ASTL: variants seen among roughly 807,000 people sequenced by gnomAD.
ASTL encodes the protein astacin like metalloendopeptidase.
A neutral mutation model predicts 36.7 loss-of-function variants in ASTL; 27 were observed. That is an observed-to-expected ratio of 0.73 (90% confidence interval 0.54 to 1.01). The LOEUF (loss-of-function observed/expected upper bound fraction) is 1.01, where lower values mean the gene tolerates loss of function less well. Ranked by LOEUF, ASTL falls within the 50% of genes least tolerant of loss-of-function variation. ASTL has a pLI of 0.00. For missense variants in ASTL, 524 were observed against 572.8 expected (o/e 0.91, Z 0.87); for synonymous variants, 222 against 228.1 (o/e 0.97, Z 0.24).
chr2:96,135,463 C>T (rs771947479), intron 2 of ASTL, 51 bp from the exon 3 acceptor site: 34 of 1,556,262 alleles, frequency 2.2e-5, no homozygotes, highest in Admixed American at 3.4e-5. Context: ...AACACTGACT[C>T]GTGGGACAGG....
chr2:96,127,349 T>C (rs143160278), intron 8 of ASTL, among the ~76,000 whole-genome samples: 2 of 152,324 alleles, frequency 1.3e-5, no homozygotes, highest in East Asian at 3.9e-4. Flanking sequence ...TTTTCCAAAG[T>C]GGTTGCAGCC....
intron 6 of ASTL, among the ~76,000 whole-genome samples, chr2:96,131,493 C>T (rs1682177933): frequency 6.6e-6 from 1 of 152,150 alleles, no homozygotes; most frequent in African/African-American, 2.4e-5. Flanking sequence ...TCAGGGTAAA[C>T]TTTCACAACT....
chr2:96,126,308 C>A (rs1013974320), intron 8 of ASTL, among the ~76,000 whole-genome samples: 1 of 152,198 alleles, frequency 6.6e-6, no homozygotes, highest in Admixed American at 6.5e-5. Context: ...AGAACTCTTA[C>A]AACTCAGAAG....
chr2:96,127,681 C>T (rs1392041911), intron 8 of ASTL, among the ~76,000 whole-genome samples: 1 of 152,174 alleles, frequency 6.6e-6, no homozygotes, highest in Non-Finnish European at 1.5e-5. Context: ...TCAAGTGATT[C>T]TCCTGCCTCA....
chr2:96,128,965 C>T (rs1682114565), intron 8 of ASTL, among the ~76,000 whole-genome samples: 1 of 151,438 alleles, frequency 6.6e-6, no homozygotes, highest in Admixed American at 6.6e-5. Flanking sequence ...ACTTGAACCT[C>T]GGAGGCAGAG....
At chr2:96,129,753 A>C (rs1573911973) in intron 8 of ASTL, 71 bp downstream of exon 8, 1 of 1,419,918 alleles carries the variant, frequency 7.0e-7, no homozygotes, top group Non-Finnish European at 9.4e-7. Flanking sequence ...CCTCCTTGTC[A>C]CCCTCCCTGA....
chr2:96,133,701 G>T, intron 4 of ASTL, 159 bp from the exon 5 acceptor site: 1 of 651,562 alleles, frequency 1.5e-6, no homozygotes, highest in Non-Finnish European at 2.7e-6. Context: ...ACAGACCCTG[G>T]CTGTGTGGCC....
Position 96,123,434 on chromosome 2 carries a change from C to T in ASTL, c.*416G>A, listed in dbSNP as rs979088258. The stretch of plus-strand genomic sequence containing the variant: ...TGTTCCCAGGGTCCCAGCCACAGGG[C>T]TGCCCTGAGGGAGAGGTAGGGACAC... On this transcript the variant is annotated 3_prime_UTR_variant, in exon 9 of 9. Coordinates refer to ENST00000342380, the MANE Select transcript of ASTL (RefSeq NM_001002036.4). Among the ~76,000 whole-genome samples the T allele has an allele frequency of 5.1e-4, 78 of 152,218 alleles. No individual in the cohort carries two copies. Among genetic ancestry groups the T allele is most frequent in the Non-Finnish European group, 9.7e-4 (66 of 68,026 alleles).
chr2:96,134,468 C>G (rs1297731272), intron 3 of ASTL, among the ~76,000 whole-genome samples: 1 of 152,166 alleles, frequency 6.6e-6, no homozygotes, highest in East Asian at 1.9e-4. Flanking sequence ...GGAACAGAGC[C>G]ATATGGAGTG....
chr2:96,127,221 G>A (rs1203967847), intron 8 of ASTL, among the ~76,000 whole-genome samples: 1 of 152,184 alleles, frequency 6.6e-6, no homozygotes, highest in Non-Finnish European at 1.5e-5. Flanking sequence ...CCTGGGGCTG[G>A]GGGCAGAAGC....
intron 8 of ASTL, among the ~76,000 whole-genome samples, chr2:96,127,568 T>C (rs1682089025): frequency 6.6e-6 from 1 of 152,110 alleles, no homozygotes; most frequent in African/African-American, 2.4e-5. Context: ...TCTCTTCCCA[T>C]TTTTCTATTT....
Position 96,124,213 on chromosome 2 carries a change from C to A in ASTL, c.933G>T (p.Arg311=). ...SPAPASLSLQ[R]LLEALSAESR... ...ATTCCGCCGACAGTGCCTCCAAAAG[C>A]CGCTGCAGAGATAGGGAGGCCGGAG... Residue 311 remains arginine (R), a synonymous_variant, in exon 9 of 9, where the codon CGG becomes CGT. Coordinates refer to ENST00000342380, the MANE Select transcript of ASTL (RefSeq NM_001002036.4). This position sits in a 1 kb window ranked among gnomAD's most constrained non-coding sequence, Gnocchi z 4.1. 6.6e-7 allele frequency: 1 copy of A among 1,522,192 alleles called. No homozygotes were observed. The highest frequency in any genetic ancestry group is 2.2e-5 in the Admixed American group (1 of 45,240). The allele number at this position is 1,522,192 out of a possible 1,614,324, so 94.3% of individuals were successfully genotyped here. A position where few individuals can be genotyped will look rare whatever the true frequency, so the allele number is the denominator to read the frequency against.
intron 2 of ASTL, among the ~76,000 whole-genome samples, chr2:96,135,950 C>T (rs754871814): frequency 6.6e-6 from 1 of 152,204 alleles, no homozygotes; most frequent in Non-Finnish European, 1.5e-5. Context: ...CCCACCTCAT[C>T]CCCCATCTAT....
Position 96,130,114 on chromosome 2 carries a change from G to C in ASTL, c.669C>G (p.Ser223Arg). 3 of 1,614,034 alleles carry C rather than the reference G, an allele frequency of 1.9e-6. No individual in the cohort carries two copies. Among genetic ancestry groups the C allele is most frequent in the Non-Finnish European group, 2.5e-6 (3 of 1,179,868 alleles). Reference sequence around the variant, plus strand: ...AGTCATAGGGCGTCAGCATGTTGCTGCTCTGAGACTTGATGAAGTTGATTT... The same window carrying C: ...AGTCATAGGGCGTCAGCATGTTGCTCCTCTGAGACTTGATGAAGTTGATTT... ...GFEINFIKSQ[S>R]SNMLTPYDYS... Residue 223 changes from serine (S) to arginine (R), a missense_variant, in exon 7 of 9, where the codon AGC becomes AGG. Ser to Arg is a moderately radical substitution (Grantham distance 110). Transcript: ENST00000342380.
rs72935901 is a variant in ASTL, at chr2:96,131,444, G to T, written c.637+1096C>A. Among the ~76,000 whole-genome samples the T allele has an allele frequency of 2.5e-3, 384 of 152,218 alleles. 2 individuals are homozygous for T. The highest frequency in any genetic ancestry group is 8.7e-3 in the African/African-American group (360 of 41,518). On this transcript the variant is annotated intron_variant, in intron 6 of 8. Transcript: ENST00000342380. ...TTTACATTGGTCTACTTTCAGAGTT[G>T]CAGGTTTTCATGGCATTTCATGGTA...
intron 3 of ASTL, 34 bp from the exon 4 acceptor site, chr2:96,134,092 C>G: frequency 6.8e-7 from 1 of 1,479,522 alleles, no homozygotes; most frequent in East Asian, 2.3e-5. Context: ...CCCCTGGGGA[C>G]AGAGGCCACC....
intron 2 of ASTL, among the ~76,000 whole-genome samples, chr2:96,137,212 C>CT (rs1682319877): frequency 1.3e-5 from 2 of 152,198 alleles, no homozygotes; most frequent in Admixed American, 6.5e-5. Flanking sequence ...CAGACTGCGA[C>CT]TAACCGCTTA....
chr2:96,133,612 G>A, intron 4 of ASTL, 70 bp from the exon 5 acceptor site: 1 of 1,140,370 alleles, frequency 8.8e-7, no homozygotes, highest in Non-Finnish European at 1.3e-6. Flanking sequence ...GGGTCTGGGA[G>A]CAGAGCTCTG....
At chr2:96,137,823 C>G in intron 1 of ASTL, 123 bp from the exon 2 acceptor site, 1 of 1,024,002 alleles carries the variant, frequency 9.8e-7, no homozygotes, top group South Asian at 1.6e-5. Context: ...GAAGAGTAGG[C>G]TCCAGCACAA....
Sources: gnomAD v4.1 joint callset for allele counts (sites outside exome capture counted in the v4.1 genomes callset) on GRCh38, gnomAD v4.1.1 for gene constraint, Gnocchi (gnomAD v3.1) non-coding constraint, MANE v1.5 for transcripts, NCBI Gene and HGNC (gene_info 2026-07-23, HGNC 2026-07-21) for gene names.